MMP26: variants seen among roughly 807,000 people sequenced by gnomAD.
The protein encoded by MMP26 is matrix metallopeptidase 26.
MMP26 carries 33 observed loss-of-function variants against 31.0 expected under a neutral mutation model. That is an observed-to-expected ratio of 1.06 (90% CI 0.81 to 1.42). MMP26 has a LOEUF of 1.42. MMP26 is among the 40% of genes most tolerant of loss of function. The pLI is 0.00. For missense variants in MMP26, 347 were observed against 316.1 expected (o/e 1.10, Z -0.74); for synonymous variants, 122 against 114.9 (o/e 1.06, Z -0.40).
chr11:4,989,110 T>G (rs1846953828), intron 3 of MMP26, among the ~76,000 whole-genome samples: 1 of 152,242 alleles, frequency 6.6e-6, no homozygotes, highest in Admixed American at 6.5e-5. Context: ...GTGCTTTTTT[T>G]GTATTTAGAA....
At chr11:4,779,444 A>C (rs898893202) in intron 2 of MMP26, among the ~76,000 whole-genome samples, 1 of 151,932 alleles carries the variant, frequency 6.6e-6, no homozygotes, top group Non-Finnish European at 1.5e-5. Flanking sequence ...TTTTCATTTT[A>C]ATTTTTCTTG....
chr11:4,825,390 G>T (rs1173382665), intron 2 of MMP26, among the ~76,000 whole-genome samples: 1 of 152,072 alleles, frequency 6.6e-6, no homozygotes, highest in African/African-American at 2.4e-5. Flanking sequence ...CCTTTTTAGT[G>T]AAATCCTTTG....
chr11:4,793,437 G>A (rs900796506), intron 2 of MMP26, among the ~76,000 whole-genome samples: 13 of 152,082 alleles, frequency 8.5e-5, no homozygotes, highest in Non-Finnish European at 1.6e-4. Flanking sequence ...TCTAATTAAC[G>A]TAAATGAAGA....
At chr11:4,921,851 T>C (rs1851189326) in intron 2 of MMP26, among the ~76,000 whole-genome samples, 1 of 152,230 alleles carries the variant, frequency 6.6e-6, no homozygotes, top group African/African-American at 2.4e-5. Context: ...TTATTGCTTT[T>C]AAAAAATTTG....
chr11:4,775,769 A>G lies in MMP26; in HGVS notation c.-145+8428A>G, dbSNP rs560952419. Among the ~76,000 whole-genome samples, 5 of 152,034 alleles carry G rather than the reference A, an allele frequency of 3.3e-5. No individual in the cohort carries two copies. In the East Asian group the frequency reaches 9.7e-4, roughly 29 times the overall value. ...GAGTGAGAGAGAGAGAGAGAGAGAG[A>G]GAAAGAGAGAGAGAGAGAAGGAGCC... On this transcript the variant is annotated intron_variant, in intron 2 of 7. Transcript: ENST00000380390.
chr11:4,770,067 TTTAAA>T lies in MMP26; in HGVS notation c.-145+2735_-145+2739del, dbSNP rs906655404. On this transcript the variant is annotated intron_variant, in intron 2 of 7. Coordinates refer to ENST00000380390, the MANE Select transcript of MMP26 (RefSeq NM_021801.5). ...ATAAGATCTGCATCATTGAGAAACC[TTTAAA>T]TTAAATTATAATGTTCATCTACCAC... is the stretch of plus-strand genomic sequence containing the variant. 1.5e-5 allele frequency: 9 copies of T among 586,422 alleles called. No individual in the cohort carries two copies. The African/African-American group carries it at 1.7e-4, about 11-fold the overall frequency. The allele number at this position is 586,422 out of a possible 1,614,324, so 36.3% of individuals were successfully genotyped here.
intron 2 of MMP26, among the ~76,000 whole-genome samples, chr11:4,895,498 A>T (rs749291134): frequency 7.2e-5 from 11 of 152,162 alleles, no homozygotes; most frequent in Non-Finnish European, 8.8e-5. Context: ...CCTATTTCCA[A>T]ATCCCTATCC....
intron 2 of MMP26, among the ~76,000 whole-genome samples, chr11:4,881,210 A>C (rs777977386): frequency 6.6e-6 from 1 of 152,118 alleles, no homozygotes; most frequent in Non-Finnish European, 1.5e-5. Flanking sequence ...TCCATTCCAC[A>C]GGAAAGATTT....
chr11:4,849,815 G>A (rs995070722), intron 2 of MMP26, among the ~76,000 whole-genome samples: 2 of 151,774 alleles, frequency 1.3e-5, no homozygotes, highest in African/African-American at 4.8e-5. Flanking sequence ...ACTTTGCTGT[G>A]TCCCTATGAT....
intron 2 of MMP26, among the ~76,000 whole-genome samples, chr11:4,871,118 T>C (rs1050290026): frequency 2.6e-5 from 4 of 152,096 alleles, no homozygotes; most frequent in Non-Finnish European, 4.4e-5. Flanking sequence ...TATTCTACTA[T>C]ATTGAATCCT....
At chr11:4,904,378 A>G (rs987132946) in intron 2 of MMP26, among the ~76,000 whole-genome samples, 4 of 152,082 alleles carry the variant, frequency 2.6e-5, no homozygotes. Context: ...GGTATGGGAA[A>G]TATTTTACCT....
intron 2 of MMP26, chr11:4,907,965 G>A: frequency 6.2e-7 from 1 of 1,614,048 alleles, no homozygotes; most frequent in East Asian, 2.2e-5. Context: ...GTCATCTATG[G>A]CTTCTTCATT....
chr11:4,710,237 C>T (rs759990331), intron 1 of MMP26: 5 of 456,618 alleles, frequency 1.1e-5, no homozygotes, highest in Admixed American at 4.7e-5. Context: ...ATGTTCTGAT[C>T]GTCCGCTCTG....
At chr11:4,901,304 T>C (rs1400352237) in intron 2 of MMP26, among the ~76,000 whole-genome samples, 1 of 151,750 alleles carries the variant, frequency 6.6e-6, no homozygotes, top group Non-Finnish European at 1.5e-5. Flanking sequence ...AGACTACAGG[T>C]GCCTGCCACC....
chr11:4,913,925 A>G (rs1851031899), intron 2 of MMP26: 1 of 152,162 alleles, frequency 6.6e-6, no homozygotes, highest in African/African-American at 2.4e-5. Flanking sequence ...CCCTTCCCCC[A>G]GCTAGGGGAA....
intron 2 of MMP26, chr11:4,890,526 T>A (rs181408915): frequency 2.6e-5 from 4 of 153,044 alleles, no homozygotes; most frequent in African/African-American, 9.6e-5. Context: ...TATATGGGCA[T>A]GCTCCAGCCC....
intron 1 of MMP26, among the ~76,000 whole-genome samples, chr11:4,717,665 GT>G (rs1847952988): frequency 8.8e-6 from 1 of 114,144 alleles, no homozygotes; most frequent in South Asian, 3.0e-4. Context: ...CTAACATTTG[GT>G]AAGTTTTTTA....
chr11:4,915,364 A>T (rs748408376), intron 2 of MMP26: 10 of 1,613,978 alleles, frequency 6.2e-6, no homozygotes, highest in Non-Finnish European at 8.5e-6. Flanking sequence ...CAAAGCAGGC[A>T]TCATGGCTAA....
In MMP26 at chr11:4,845,563, G is replaced by A. The variant is rs6578534; in HGVS notation, c.-145+78222G>A. Among the ~76,000 whole-genome samples, 1,367 of 152,186 alleles carry A rather than the reference G, an allele frequency of 9.0e-3. 25 individuals carry two copies. Among genetic ancestry groups the A allele is most frequent in the African/African-American group, 0.031 (1,298 of 41,536 alleles). ...AAATTTCTTGAGCAATATCCCACAAGCACAGGCAACCTAAGCAAAAATGGA... is the reference window on the plus strand; with the variant it reads ...AAATTTCTTGAGCAATATCCCACAAACACAGGCAACCTAAGCAAAAATGGA... On this transcript the variant is annotated intron_variant, in intron 2 of 7. Coordinates refer to ENST00000380390, the MANE Select transcript of MMP26 (RefSeq NM_021801.5).
Sources: allele counts gnomAD v4.1 joint callset (sites outside exome capture counted in the v4.1 genomes callset), GRCh38; gene constraint gnomAD v4.1.1; transcripts MANE v1.5; gene names NCBI Gene and HGNC (gene_info 2026-07-23, HGNC 2026-07-21).